The following HS3ST4 variants were observed in gnomAD, a reference collection of about 807,000 sequenced individuals.
The protein encoded by HS3ST4 is heparan sulfate glucosamine 3-O-sulfotransferase 4.
A neutral mutation model predicts 29.2 loss-of-function variants in HS3ST4; 17 were observed. The ratio of observed to expected loss-of-function variants is 0.58; its 90% CI spans 0.40 to 0.87. The LOEUF (loss-of-function observed/expected upper bound fraction) is 0.87, where lower values mean the gene tolerates loss of function less well. HS3ST4 is among the 40% of genes least tolerant of loss of function. The pLI is 0.00. For synonymous variants in HS3ST4, 314 were observed against 285.7 expected (o/e 1.10, Z -1.00); for missense variants, 627 against 634.5 (o/e 0.99, Z 0.13).
At chr16:25,992,022 AAAAC>A (rs10679569) in intron 1 of HS3ST4, among the ~76,000 whole-genome samples, 33 of 151,940 alleles carry the variant, frequency 2.2e-4, no homozygotes, top group African/African-American at 6.0e-4. Context: ...CTCCGTCTCA[AAAAC>A]AAACAAACAA....
chr16:25,747,886 G>A (rs529227977), intron 1 of HS3ST4, among the ~76,000 whole-genome samples: 2 of 152,268 alleles, frequency 1.3e-5, no homozygotes, highest in Admixed American at 1.3e-4. Flanking sequence ...TTGAAAGGGC[G>A]CTCTCAGCTT....
chr16:26,032,565 C>T (rs546807766), intron 1 of HS3ST4: 91 of 1,416,584 alleles, frequency 6.4e-5, no homozygotes, highest in Non-Finnish European at 8.5e-5. Context: ...GCACCTTCAG[C>T]TTTCTGTGCC....
chr16:25,779,968 G>A (rs1366768001), intron 1 of HS3ST4, among the ~76,000 whole-genome samples: 2 of 152,178 alleles, frequency 1.3e-5, no homozygotes, highest in Non-Finnish European at 2.9e-5. Context: ...TCATTCCGAG[G>A]TCCCCAGGTT....
At chr16:25,995,668 C>T (rs1350009336) in intron 1 of HS3ST4, among the ~76,000 whole-genome samples, 1 of 152,122 alleles carries the variant, frequency 6.6e-6, no homozygotes, top group Non-Finnish European at 1.5e-5. Flanking sequence ...AAGATGAAAT[C>T]TGAGTGTGGA....
At chr16:26,116,347 T>G (rs1204695813) in intron 1 of HS3ST4, among the ~76,000 whole-genome samples, 2 of 152,208 alleles carry the variant, frequency 1.3e-5, no homozygotes, top group Admixed American at 1.3e-4. Flanking sequence ...GCAATTACGT[T>G]GTATTACCAT....
intron 1 of HS3ST4, among the ~76,000 whole-genome samples, chr16:26,063,804 G>T (rs548948810): frequency 6.6e-6 from 1 of 152,154 alleles, no homozygotes; most frequent in Non-Finnish European, 1.5e-5. Context: ...CTCTTGTGGG[G>T]AACATCCTAG....
At chr16:26,030,862 G>T (rs1308267882) in intron 1 of HS3ST4, among the ~76,000 whole-genome samples, 1 of 152,162 alleles carries the variant, frequency 6.6e-6, no homozygotes, top group African/African-American at 2.4e-5. Flanking sequence ...CCTTTAAAAA[G>T]AAGATAATAG....
chr16:25,875,130 T>C (rs1967816259), intron 1 of HS3ST4, among the ~76,000 whole-genome samples: 1 of 152,122 alleles, frequency 6.6e-6, no homozygotes, highest in Non-Finnish European at 1.5e-5. Context: ...TTTTAGAGTA[T>C]TAGACAGATA....
Position 25,992,474 on chromosome 16 carries a change from A to G in HS3ST4, c.735-143138A>G, listed in dbSNP as rs144281176. On this transcript the variant is annotated intron_variant, in intron 1 of 1. Coordinates refer to ENST00000331351, the MANE Select transcript of HS3ST4 (RefSeq NM_006040.3). The stretch of plus-strand genomic sequence containing the variant: ...CTAACTTCCCAAGGATGTTGTGTCT[A>G]AGATATGACAAAGCTAATATTTGCA... Among the ~76,000 whole-genome samples, 924 of 152,348 alleles carry G rather than the reference A, an allele frequency of 6.1e-3. 9 individuals carry two copies. The highest frequency in any genetic ancestry group is 0.022 in the African/African-American group (896 of 41,592).
intron 1 of HS3ST4, among the ~76,000 whole-genome samples, chr16:25,770,443 C>T (rs954713652): frequency 6.6e-6 from 1 of 152,180 alleles, no homozygotes; most frequent in South Asian, 2.1e-4. Context: ...GCTTATAGAT[C>T]GAAAGACTAA....
chr16:25,920,414 C>T (rs1048004705), intron 1 of HS3ST4, among the ~76,000 whole-genome samples: 3 of 152,054 alleles, frequency 2.0e-5, no homozygotes, highest in Non-Finnish European at 4.4e-5. Context: ...GTCAATTTAT[C>T]TTTGATTTTA....
intron 1 of HS3ST4, among the ~76,000 whole-genome samples, chr16:25,757,482 T>G (rs1966764653): frequency 6.6e-6 from 1 of 151,790 alleles, no homozygotes; most frequent in Non-Finnish European, 1.5e-5. Context: ...TAGGCATCAT[T>G]TTTCCAGCAA....
At chr16:25,857,900 C>CT (rs201593584) in intron 1 of HS3ST4, among the ~76,000 whole-genome samples, 1 of 29,544 alleles carries the variant, frequency 3.4e-5, no homozygotes, top group African/African-American at 1.2e-4. Flanking sequence ...CTTTTTCTTT[C>CT]TTCCTTCCTT....
At chr16:25,887,059 A>G (rs913909008) in intron 1 of HS3ST4, 2 of 152,176 alleles carry the variant, frequency 1.3e-5, no homozygotes, top group African/African-American at 4.8e-5. Context: ...CGTGGGATAT[A>G]CAGACTAAAG....
At chr16:26,026,366 T>G (rs111715120) in intron 1 of HS3ST4, among the ~76,000 whole-genome samples, 472 of 152,320 alleles carry the variant, frequency 3.1e-3, no homozygotes, top group African/African-American at 0.011. Context: ...ACCATAAGAA[T>G]AGTTCGTTAT....
intron 1 of HS3ST4, among the ~76,000 whole-genome samples, chr16:25,906,449 A>G (rs1968181560): frequency 6.6e-6 from 1 of 152,188 alleles, no homozygotes; most frequent in Admixed American, 6.5e-5. Flanking sequence ...TGCTTATTAC[A>G]TGCCTGGCAC....
chr16:26,049,727 C>A (rs1162719266), intron 1 of HS3ST4, among the ~76,000 whole-genome samples: 2 of 152,120 alleles, frequency 1.3e-5, no homozygotes, highest in African/African-American at 4.8e-5. Context: ...GCTCAAGCCC[C>A]AGGGCATTTT....
chr16:25,828,301 C>CACTCTCTCTCTCTCTCTCTCT, intron 1 of HS3ST4, among the ~76,000 whole-genome samples: 1 of 32,898 alleles, frequency 3.0e-5, no homozygotes, highest in East Asian at 9.9e-4. Flanking sequence ...TCTTTCTTTC[C>CACTCTCTCTCTCTCTCTCTCT]CTCTCTCTCT....
intron 1 of HS3ST4, among the ~76,000 whole-genome samples, chr16:25,893,288 A>T (rs1968028572): frequency 6.6e-6 from 1 of 152,200 alleles, no homozygotes; most frequent in African/African-American, 2.4e-5. Context: ...AAGAGTCTAG[A>T]TTTTATTTTA....
Sources: allele counts gnomAD v4.1 joint callset (sites outside exome capture counted in the v4.1 genomes callset), GRCh38; gene constraint gnomAD v4.1.1; transcripts MANE v1.5; gene names NCBI Gene and HGNC (gene_info 2026-07-23, HGNC 2026-07-21).